GDPD5: variants seen among roughly 807,000 people sequenced by gnomAD.
GDPD5 encodes the protein glycerophosphodiester phosphodiesterase 2.
A neutral mutation model predicts 75.1 loss-of-function variants in GDPD5; 48 were observed. The observed-to-expected ratio is 0.64, with a 90% CI of 0.51 to 0.81. The LOEUF (loss-of-function observed/expected upper bound fraction) is 0.81, where lower values mean the gene tolerates loss of function less well. GDPD5 is among the 40% of genes least tolerant of loss of function. The pLI, the probability that GDPD5 is intolerant of heterozygous loss-of-function variation, is 0.00. For missense variants in GDPD5, 706 were observed against 822.6 expected, an observed-to-expected ratio of 0.86 and a Z score of 1.73; for synonymous variants, 336 against 339.0, an observed-to-expected ratio of 0.99 and a Z score of 0.10.
At chr11:75,477,578 G>T in intron 3 of GDPD5, 41 bp downstream of exon 3, 1 of 1,347,978 alleles carries the variant, frequency 7.4e-7, no homozygotes, top group Non-Finnish European at 1.0e-6. Flanking sequence ...GGCTTGCTGG[G>T]GCTCACTGGG....
chr11:75,458,673 AAAAT>A (rs71036053), intron 4 of GDPD5, among the ~76,000 whole-genome samples: 29 of 147,324 alleles, frequency 2.0e-4, no homozygotes, highest in East Asian at 2.0e-4. Context: ...CTCTGTCTCA[AAAAT>A]AAATAAATAA....
chr11:75,518,913 A>G (rs1306856244), intron 1 of GDPD5, among the ~76,000 whole-genome samples: 1 of 152,078 alleles, frequency 6.6e-6, no homozygotes, highest in Non-Finnish European at 1.5e-5. Flanking sequence ...AAAGCTAAAC[A>G]GCTGCAGGAT....
chr11:75,475,656 A>T (rs1473445274), intron 3 of GDPD5, among the ~76,000 whole-genome samples: 1 of 152,012 alleles, frequency 6.6e-6, no homozygotes, highest in African/African-American at 2.4e-5. Context: ...TGCAGGGAGA[A>T]AGGGGCGGGG....
intron 1 of GDPD5, among the ~76,000 whole-genome samples, chr11:75,518,814 T>C (rs1289511883): frequency 6.6e-6 from 1 of 152,102 alleles, no homozygotes; most frequent in Non-Finnish European, 1.5e-5. Flanking sequence ...AGCTCCCTTG[T>C]CAGTGGGAGA....
Position 75,462,897 on chromosome 11 carries a change from A to G in GDPD5, c.118-8T>C, listed in dbSNP as rs778145324. 5.0e-6 allele frequency: 8 copies of G among 1,611,166 alleles called. No homozygotes were observed. The highest frequency in any genetic ancestry group is 1.1e-5 in the South Asian group (1 of 90,782). On this transcript the variant is annotated splice_region_variant and splice_polypyrimidine_tract_variant and intron_variant, in intron 3 of 16. Transcript: ENST00000336898. ...GAACCAGAGGCGCTCCCACTGGAAGAGCAGAGGAGGAGGGGATTAAGTGGG... is the reference window on the plus strand; with the variant it reads ...GAACCAGAGGCGCTCCCACTGGAAGGGCAGAGGAGGAGGGGATTAAGTGGG...
At chr11:75,513,269 A>T (rs1296152170) in intron 1 of GDPD5, among the ~76,000 whole-genome samples, 1 of 152,160 alleles carries the variant, frequency 6.6e-6, no homozygotes, top group African/African-American at 2.4e-5. Flanking sequence ...ATTACATGGC[A>T]CCAGACACTG....
intron 3 of GDPD5, among the ~76,000 whole-genome samples, chr11:75,465,465 A>C (rs1949495765): frequency 6.6e-6 from 1 of 152,094 alleles, no homozygotes; most frequent in Non-Finnish European, 1.5e-5. Flanking sequence ...CAGTTCTAGA[A>C]CTGTCTCTAT....
intron 10 of GDPD5, 46 bp from the exon 11 acceptor site, chr11:75,443,332 T>G: frequency 6.4e-7 from 1 of 1,563,968 alleles, no homozygotes; most frequent in South Asian, 1.2e-5. Flanking sequence ...CCCAGATCCT[T>G]TACCTGCCCA....
At chr11:75,463,468 C>T (rs1201575183) in intron 3 of GDPD5, among the ~76,000 whole-genome samples, 1 of 152,194 alleles carries the variant, frequency 6.6e-6, no homozygotes, top group Non-Finnish European at 1.5e-5. Flanking sequence ...GGGACACTGA[C>T]ACCACCACTG....
chr11:75,437,747 A>AG (rs924282972), intron 15 of GDPD5: 1 of 152,354 alleles, frequency 6.6e-6, no homozygotes, highest in African/African-American at 2.4e-5. Flanking sequence ...GAGCATGCAC[A>AG]GGGCATGAAG....
At chr11:75,441,046 C>G (rs1236071962) in intron 14 of GDPD5, 117 bp downstream of exon 14, 2 of 1,009,264 alleles carry the variant, frequency 2.0e-6, no homozygotes, top group Non-Finnish European at 3.0e-6. Context: ...CATGGACTCC[C>G]CACCATGCTA....
intron 1 of GDPD5, among the ~76,000 whole-genome samples, chr11:75,491,124 C>T (rs1950099922): frequency 6.6e-6 from 1 of 152,146 alleles, no homozygotes; most frequent in South Asian, 2.1e-4. Flanking sequence ...GAGCCACACA[C>T]CAGCAAGAAA....
rs190142733 is a variant in GDPD5 at position 75,493,823 on chromosome 11, C to T, written c.-144-3503G>A. ...TCTTGCTGTGCATCCTTTATTTTGG[C>T]ATTTCTTCCTGCTCCAATTTGTGGT... On this transcript the variant is annotated intron_variant, in intron 1 of 16. Coordinates refer to ENST00000336898, the MANE Select transcript of GDPD5 (RefSeq NM_030792.8). Among the ~76,000 whole-genome samples, 353 of 152,280 alleles carry T rather than the reference C, an allele frequency of 2.3e-3. 2 individuals carry two copies. The highest frequency in any genetic ancestry group is 8.3e-3 in the African/African-American group (343 of 41,542).
intron 1 of GDPD5, among the ~76,000 whole-genome samples, chr11:75,500,667 T>G (rs1045906586): frequency 1.3e-5 from 2 of 152,196 alleles, no homozygotes; most frequent in Non-Finnish European, 2.9e-5. Flanking sequence ...TCTGGTCATC[T>G]GCACCTGGAC....
At chr11:75,489,622 G>A (rs1169104748) in intron 2 of GDPD5, among the ~76,000 whole-genome samples, 1 of 152,144 alleles carries the variant, frequency 6.6e-6, no homozygotes, top group Non-Finnish European at 1.5e-5. Flanking sequence ...AATCTTCTCT[G>A]GAGGTGGAAG....
intron 3 of GDPD5, among the ~76,000 whole-genome samples, chr11:75,475,935 GTGCTGGC>G (rs1359459512): frequency 6.6e-6 from 1 of 152,194 alleles, no homozygotes; most frequent in East Asian, 1.9e-4. Flanking sequence ...TCTGGGCCCT[GTGCTGGC>G]TGCAGCCAAG....
At chr11:75,435,756 T>A in intron 16 of GDPD5, 101 bp from the exon 17 acceptor site, 2 of 1,212,518 alleles carry the variant, frequency 1.6e-6, no homozygotes, top group Middle Eastern at 2.2e-4. Flanking sequence ...GCGGGGCACT[T>A]GGAGGCTGAT....
intron 1 of GDPD5, among the ~76,000 whole-genome samples, chr11:75,517,807 T>TAA (rs60187202): frequency 3.4e-4 from 51 of 148,600 alleles, no homozygotes; most frequent in Non-Finnish European, 5.8e-4. Flanking sequence ...TCCCCTAGAT[T>TAA]AAAAAAAAAA....
intron 1 of GDPD5, among the ~76,000 whole-genome samples, chr11:75,510,209 C>G (rs925103992): frequency 3.3e-5 from 5 of 152,218 alleles, no homozygotes; most frequent in Non-Finnish European, 7.3e-5. Context: ...CCCAGAGAAC[C>G]CTGAGGCAGG....
Sources: allele counts gnomAD v4.1 joint callset (sites outside exome capture counted in the v4.1 genomes callset), GRCh38; gene constraint gnomAD v4.1.1; transcripts MANE v1.5; gene names NCBI Gene and HGNC (gene_info 2026-07-23, HGNC 2026-07-21).